RPL31: variants seen among roughly 807,000 people sequenced by gnomAD.
RPL31 encodes ribosomal protein L31, also known as large ribosomal subunit protein eL31.
For missense variants in RPL31, 95 were observed against 164.0 expected (o/e 0.58, Z 2.30); for synonymous variants, 51 against 55.0 (o/e 0.93, Z 0.32).
intron 1 of RPL31, 177 bp downstream of exon 1, chr2:101,002,492 T>G (rs1357893701): frequency 1.6e-6 from 1 of 606,858 alleles, no homozygotes; most frequent in South Asian, 2.0e-5. Flanking sequence ...GTGACCAGGC[T>G]TAGGGGAGCC....
chr2:101,002,925 C>A, intron 2 of RPL31, 117 bp downstream of exon 2: 1 of 733,122 alleles, frequency 1.4e-6, no homozygotes, highest in Non-Finnish European at 2.4e-6. Context: ...CTGTTTCATT[C>A]ATTGGCAATT....
Position 101,006,642 on chromosome 2 carries a change from T to C in RPL31, c.*261T>C. On this transcript the variant is annotated 3_prime_UTR_variant, in exon 5 of 5. Coordinates refer to ENST00000264258, the MANE Select transcript of RPL31 (RefSeq NM_000993.5). ...TGTTAATTATTCTACTTGTATGTTT[T>C]GCTAATTCTAAGATAAGCATTTTTC... The C allele has an allele frequency of 2.6e-6, 1 of 387,380 alleles. No individual in the cohort carries two copies. The highest frequency in any genetic ancestry group is 6.7e-4 in the Middle Eastern group (1 of 1,498). 24.0% of individuals were successfully genotyped at this position (387,380 alleles called of 1,614,324 possible). A position where few individuals can be genotyped will look rare whatever the true frequency, so the allele number is the denominator to read the frequency against.
chr2:101,018,458 C>T (rs1679818766), intron 4 of RPL31, among the ~76,000 whole-genome samples: 1 of 152,138 alleles, frequency 6.6e-6, no homozygotes, highest in Admixed American at 6.5e-5. Flanking sequence ...AGAACTCATC[C>T]TTTAGACAGC....
At chr2:101,010,849 T>G (rs1573852128), downstream of RPL31, 1 of 1,252,978 alleles carries the variant, frequency 8.0e-7, no homozygotes, top group Non-Finnish European at 1.1e-6. Flanking sequence ...GCCACTGTAC[T>G]CCAGCCTGGG....
chr2:101,002,508 G>A lies in RPL31; in HGVS notation c.-1+193G>A. 13 of 613,396 alleles carry A rather than the reference G, an allele frequency of 2.1e-5. No individual in the cohort carries two copies. The South Asian group carries it at 2.4e-4, about 11-fold the overall frequency. The allele number at this position is 613,396 out of a possible 1,614,324, so 38.0% of individuals were successfully genotyped here. A position where few individuals can be genotyped will look rare whatever the true frequency, so the allele number is the denominator to read the frequency against. On this transcript the variant is annotated intron_variant, in intron 1 of 4. Coordinates refer to ENST00000264258, the MANE Select transcript of RPL31 (RefSeq NM_000993.5). ...TGACCAGGCTTAGGGGAGCCGGAGC[G>A]GCAGGGATTTCCGGGTCGGAGGCAT...
At chr2:101,009,208 A>T (rs2105355934), downstream of RPL31, among the ~76,000 whole-genome samples, 2 of 122,434 alleles carry the variant, frequency 1.6e-5, no homozygotes, top group Middle Eastern at 8.0e-3. Context: ...CCTGGCTAAC[A>T]CCTGGCTAAC....
At chr2:101,019,621 C>G (rs1275122975) in exon 5 of RPL31, 1 of 152,424 alleles carries the variant, frequency 6.6e-6, no homozygotes, top group Non-Finnish European at 1.5e-5. Context: ...CAGAGTTACA[C>G]AGTATGAATA....
At chr2:101,012,091 C>T (rs2105361352), downstream of RPL31, among the ~76,000 whole-genome samples, 1 of 152,316 alleles carries the variant, frequency 6.6e-6, no homozygotes, top group South Asian at 2.1e-4. Flanking sequence ...ATAAAACTGT[C>T]AGAACCCTCA....
At chr2:101,007,689 T>C (rs895380344), downstream of RPL31, 4 of 905,600 alleles carry the variant, frequency 4.4e-6, no homozygotes, top group African/African-American at 1.7e-5. Flanking sequence ...TGGCCACAGT[T>C]TGTCAGGTTG....
At chr2:101,009,540 GA>G (rs779909753), downstream of RPL31, among the ~76,000 whole-genome samples, 101 of 150,320 alleles carry the variant, frequency 6.7e-4, 1 homozygote, top group East Asian at 0.016. Flanking sequence ...ATCATCTATA[GA>G]AAAAAAAAGG....
intron 1 of RPL31, 74 bp from the exon 2 acceptor site, chr2:101,002,628 C>A: frequency 8.0e-7 from 1 of 1,245,040 alleles, no homozygotes; most frequent in South Asian, 1.2e-5. Context: ...AGAGTGACAG[C>A]GTGAGGCTGG....
chr2:101,006,259 T>C (rs1419488790), intron 4 of RPL31, 91 bp from the exon 5 acceptor site: 5 of 1,547,434 alleles, frequency 3.2e-6, no homozygotes, highest in African/African-American at 1.4e-5. Flanking sequence ...TTGTGGAAAA[T>C]AGAATGCCCA....
rs1358302558 is a variant in RPL31, at chr2:101,006,627, T to A, written c.*246T>A. The A allele has an allele frequency of 7.1e-6, 3 of 420,888 alleles. No individual in the cohort carries two copies. The highest frequency in any genetic ancestry group is 1.3e-5 in the Non-Finnish European group (3 of 239,556). The allele number at this position is 420,888 out of a possible 1,614,324, so 26.1% of individuals were successfully genotyped here. ...ATACTGAAGGCATATTGTTAATTAT[T>A]CTACTTGTATGTTTTGCTAATTCTA... On this transcript the variant is annotated 3_prime_UTR_variant, in exon 5 of 5. Transcript: ENST00000264258.
At chr2:101,011,983 C>G (rs1679250527), downstream of RPL31, among the ~76,000 whole-genome samples, 1 of 152,206 alleles carries the variant, frequency 6.6e-6, no homozygotes, top group Admixed American at 6.5e-5. Context: ...TGAGCACATA[C>G]TGCTGTACTT....
downstream of RPL31, among the ~76,000 whole-genome samples, chr2:101,010,472 A>T: frequency 6.6e-6 from 1 of 152,198 alleles, no homozygotes; most frequent in East Asian, 1.9e-4. Flanking sequence ...TGAATATCTG[A>T]AGTATCTTCA....
chr2:101,011,446 C>T (rs764939070), downstream of RPL31: 9 of 1,613,638 alleles, frequency 5.6e-6, no homozygotes, highest in African/African-American at 4.0e-5. Context: ...AAAAGAGGTA[C>T]GTGCCATTGG....
intron 4 of RPL31, among the ~76,000 whole-genome samples, chr2:101,016,779 A>G (rs1441220102): frequency 6.6e-6 from 1 of 152,216 alleles, no homozygotes; most frequent in Non-Finnish European, 1.5e-5. Context: ...TTGTAGGGAC[A>G]TGGATGAAAT....
chr2:101,007,915 G>A (rs367986556), downstream of RPL31: 38 of 1,613,934 alleles, frequency 2.4e-5, no homozygotes, highest in Admixed American at 3.3e-5. Context: ...TTCAAGTTTG[G>A]ATTTCATGTC....
chr2:101,003,178 ACCGGGCATG>A (rs1284853395), intron 2 of RPL31, among the ~76,000 whole-genome samples: 6 of 152,126 alleles, frequency 3.9e-5, no homozygotes, highest in African/African-American at 1.4e-4. Flanking sequence ...GCTTAATCAT[ACCGGGCATG>A]CTTTTGTTTC....
Sources: gnomAD v4.1 joint callset for allele counts (sites outside exome capture counted in the v4.1 genomes callset) on GRCh38, gnomAD v4.1.1 for gene constraint, MANE v1.5 for transcripts, NCBI Gene and HGNC (gene_info 2026-07-23, HGNC 2026-07-21) for gene names.